DNAH10: variants seen among roughly 807,000 people sequenced by gnomAD.
DNAH10 encodes the protein dynein axonemal heavy chain 10, also known as axonemal beta dynein heavy chain 10.
DNAH10 carries 348 observed loss-of-function variants against 506.6 expected under a neutral mutation model. The observed-to-expected ratio is 0.69, with a 90% confidence interval of 0.63 to 0.75. The LOEUF (loss-of-function observed/expected upper bound fraction) is 0.75. Ranked by LOEUF, DNAH10 falls within the 30% of genes least tolerant of loss-of-function variation. The pLI is 0.00. For synonymous variants in DNAH10, 2,059 were observed against 2,198.6 expected (o/e 0.94, Z 1.78); for missense variants, 5,179 against 5,787.1 (o/e 0.89, Z 3.41).
Position 123,929,317 on chromosome 12 carries a change from G to A in DNAH10, c.12349G>A (p.Ala4117Thr). 2 of 1,605,544 alleles carry A rather than the reference G, an allele frequency of 1.2e-6. No homozygotes were observed. Among genetic ancestry groups the A allele is most frequent in the Admixed American group, 1.7e-5 (1 of 58,744 alleles). Residue 4117 changes from alanine (A) to threonine (T), a missense_variant, in exon 71 of 79, where the codon GCA becomes ACA. By Grantham distance (58) the Ala-to-Thr change is moderately conservative. Around this residue, in one of 3 missense-constraint regions of DNAH10, gnomAD observed 4,844 missense variants for 5,430.5 expected, o/e 0.89. Coordinates refer to ENST00000673944, the MANE Select transcript of DNAH10 (RefSeq NM_001372106.1). The stretch of plus-strand genomic sequence containing the variant: ...CAATGGGCTGAAACTCAACATGAGG[G>A]CAACTTACTTCAAGATCTCTCACGA... ...PPNGLKLNMR[A>T]TYFKISHEML...
chr12:123,898,401 G>C (rs1283405013), intron 55 of DNAH10, among the ~76,000 whole-genome samples: 7 of 152,174 alleles, frequency 4.6e-5, no homozygotes, highest in African/African-American at 1.7e-4. Context: ...ATCTGCTGCA[G>C]CAGCATGCAC....
At position 123,921,454 on chromosome 12, in the gene DNAH10, G is replaced by T. The variant is rs189518431; in HGVS notation, c.11507-2309G>T. On this transcript the variant is annotated intron_variant, in intron 65 of 78. Coordinates refer to ENST00000673944, the MANE Select transcript of DNAH10 (RefSeq NM_001372106.1). ...CTTGGGTGGGGCAGGCAGTTGCCTG[G>T]CAGCATGGAGTGAGAGGGGATCTGG... is the stretch of plus-strand genomic sequence containing the variant. 3.3e-5 allele frequency among the ~76,000 whole-genome samples: 5 copies of T among 152,328 alleles called. No individual in the cohort carries two copies. The East Asian group carries it at 9.6e-4, about 29-fold the overall frequency.
chr12:123,879,727 A>C lies in DNAH10; in HGVS notation c.8560A>C (p.Met2854Leu). The C allele has an allele frequency of 6.2e-7, 1 of 1,614,010 alleles. No homozygotes were observed. Among genetic ancestry groups the C allele is most frequent in the Admixed American group, 1.7e-5 (1 of 60,016 alleles). Residue 2854 changes from methionine to leucine, a missense_variant, in exon 50 of 79, where the codon ATG becomes CTG. Met to Leu is a conservative substitution (Grantham distance 15). Coordinates refer to ENST00000673944, the MANE Select transcript of DNAH10 (RefSeq NM_001372106.1). ...TCCCATATTGTTTGGAGACTTCCAGATGGCTCTGCACGAAGGAGAACCACG... is the reference window on the plus strand; with the variant it reads ...TCCCATATTGTTTGGAGACTTCCAGCTGGCTCTGCACGAAGGAGAACCACG... Reference protein sequence around the residue: ...RDPILFGDFQMALHEGEPRIY... With the variant: ...RDPILFGDFQLALHEGEPRIY...
chr12:123,781,403 G>C, intron 6 of DNAH10, 104 bp downstream of exon 6: 2 of 1,140,860 alleles, frequency 1.8e-6, no homozygotes, highest in Non-Finnish European at 2.5e-6. Flanking sequence ...GAACATTTTT[G>C]TTTGTTTGTT....
chr12:123,890,683 T>G (rs1442120563), intron 52 of DNAH10, among the ~76,000 whole-genome samples: 1 of 152,144 alleles, frequency 6.6e-6, no homozygotes, highest in Non-Finnish European at 1.5e-5. Context: ...GAGCTACCCC[T>G]GCAGTGTAGG....
chr12:123,931,365 C>T lies in DNAH10; in HGVS notation c.12809C>T (p.Ala4270Val), dbSNP rs768208922. The T allele has an allele frequency of 6.2e-7, 1 of 1,613,778 alleles. No individual in the cohort carries two copies. The highest frequency in any genetic ancestry group is 8.5e-7 in the Non-Finnish European group (1 of 1,179,906). ...GAAGCCATCGAGGCCCTCCCGCTTGCCAACACGCCAGAAGTGTTTGGTCTC... is the reference window on the plus strand; with the variant it reads ...GAAGCCATCGAGGCCCTCCCGCTTGTCAACACGCCAGAAGTGTTTGGTCTC... ...FVEAIEALPL[A>V]NTPEVFGLHP... is the part of the protein sequence containing the mutation. The change falls in exon 74 of 79, where the codon GCC becomes GTC. Residue 4270 changes from alanine (A) to valine (V), a missense_variant. Coordinates refer to ENST00000673944, the MANE Select transcript of DNAH10 (RefSeq NM_001372106.1).
chr12:123,934,752 C>A lies in DNAH10; in HGVS notation c.13609C>A (p.Arg4537Ser). 1.9e-6 allele frequency: 3 copies of A among 1,613,780 alleles called. No individual in the cohort carries two copies. Among genetic ancestry groups the A allele is most frequent in the Non-Finnish European group, 2.5e-6 (3 of 1,179,880 alleles). Residue 4537 changes from arginine (R) to serine (S), a missense_variant, in exon 78 of 79, where the codon CGC becomes AGC. Arg to Ser is a moderately radical substitution (Grantham distance 110). This residue lies in a region of DNAH10 where 4,844 missense variants were observed against 5,430.5 expected (regional missense o/e 0.89). Coordinates refer to ENST00000673944, the MANE Select transcript of DNAH10 (RefSeq NM_001372106.1). ...ILKIIPIEAHRLKLQNTFRTP... is the reference protein window; with the variant it reads ...ILKIIPIEAHSLKLQNTFRTP... ...GAAGATCATCCCCATTGAAGCCCAT[C>A]GCCTCAAGCTGCAGGTGAAGGTCCC...
rs1950947553 is a variant in DNAH10 at position 123,846,253 on chromosome 12, G to A, written c.5814+99G>A. ...TGACTGCAGTGATTGAAATAGCAGGGGAGATCATTGCTTTGAAATCTCGAA... is the reference window on the plus strand; with the variant it reads ...TGACTGCAGTGATTGAAATAGCAGGAGAGATCATTGCTTTGAAATCTCGAA... On this transcript the variant is annotated intron_variant, in intron 32 of 78. Coordinates refer to ENST00000673944, the MANE Select transcript of DNAH10 (RefSeq NM_001372106.1). This position sits in a 1 kb window ranked among gnomAD's most constrained non-coding sequence, Gnocchi z 4.5. 2 of 1,362,184 alleles carry A rather than the reference G, an allele frequency of 1.5e-6. No homozygotes were observed. Among genetic ancestry groups the A allele is most frequent in the Non-Finnish European group, 2.0e-6 (2 of 1,018,482 alleles). 84.4% of individuals were successfully genotyped at this position (1,362,184 alleles called of 1,614,324 possible).
At chr12:123,880,881 ATGAG>A (rs1257722674) in intron 50 of DNAH10, among the ~76,000 whole-genome samples, 2 of 136,332 alleles carry the variant, frequency 1.5e-5, no homozygotes, top group Non-Finnish European at 3.0e-5. Context: ...ATTCCCACCT[ATGAG>A]TGAGAACATG....
At chr12:123,805,976 C>T (rs951885673) in intron 18 of DNAH10, among the ~76,000 whole-genome samples, 5 of 152,120 alleles carry the variant, frequency 3.3e-5, no homozygotes, top group Admixed American at 1.3e-4. Flanking sequence ...TGGGGTTTCA[C>T]CGTGTTAGCC....
intron 56 of DNAH10, among the ~76,000 whole-genome samples, chr12:123,899,340 G>T (rs1422040372): frequency 6.6e-6 from 1 of 152,130 alleles, no homozygotes; most frequent in Non-Finnish European, 1.5e-5. Context: ...CTCTGTGCCT[G>T]GCCTCTAAGC....
In DNAH10 at chr12:123,913,395, T is replaced by C. The variant is rs1030235427; in HGVS notation, c.10352+80T>C. ...AGAGTTTCTCGCCATGTTGATTCTT[T>C]ATCTCACGTTGTGTTTTTATGTGAA... On this transcript the variant is annotated intron_variant, in intron 60 of 78. Transcript: ENST00000673944. This position sits in a 1 kb window ranked among gnomAD's most constrained non-coding sequence, Gnocchi z 5.1. 3.6e-6 allele frequency: 5 copies of C among 1,398,850 alleles called. No homozygotes were observed. The African/African-American group carries it at 5.8e-5, about 16-fold the overall frequency. The allele number at this position is 1,398,850 out of a possible 1,614,324, so 86.7% of individuals were successfully genotyped here.
intron 43 of DNAH10, among the ~76,000 whole-genome samples, chr12:123,868,513 G>C (rs1425988053): frequency 6.6e-6 from 1 of 152,042 alleles, no homozygotes; most frequent in African/African-American, 2.4e-5. Context: ...TTCATCTGCT[G>C]TATTCCTGAG....
In DNAH10 at chr12:123,787,753, C is replaced by G. The variant is rs543786627; in HGVS notation, c.1422-51C>G. 17 of 1,577,966 alleles carry G rather than the reference C, an allele frequency of 1.1e-5. No homozygotes were observed. Among genetic ancestry groups the G allele is most frequent in the Non-Finnish European group, 1.4e-5 (16 of 1,161,644 alleles). Reference sequence around the variant, plus strand: ...GGCTCCCCAGCCGGGGAGTGCGGCTCGGACCCGGAGCTCCGCCCTCCTCCC... The same window carrying G: ...GGCTCCCCAGCCGGGGAGTGCGGCTGGGACCCGGAGCTCCGCCCTCCTCCC... On this transcript the variant is annotated intron_variant, in intron 9 of 78. Coordinates refer to ENST00000673944, the MANE Select transcript of DNAH10 (RefSeq NM_001372106.1). This position sits in a 1 kb window ranked among gnomAD's most constrained non-coding sequence, Gnocchi z 4.6.
In DNAH10 at chr12:123,926,871, T is replaced by G; in HGVS notation, c.12105+51T>G. 6 of 1,595,456 alleles carry G rather than the reference T, an allele frequency of 3.8e-6. No individual in the cohort carries two copies. Among genetic ancestry groups the G allele is most frequent in the South Asian group, 3.4e-5 (3 of 89,188 alleles). On this transcript the variant is annotated intron_variant, in intron 69 of 78. Coordinates refer to ENST00000673944, the MANE Select transcript of DNAH10 (RefSeq NM_001372106.1). The surrounding 1 kb of genome is among the most constrained non-coding windows in gnomAD (Gnocchi z 4.1). ...CTCTACGTTTAGGGGAGGTCCCTGG[T>G]GTCTGCTAAGAAGGAGCTAACCTGG...
chr12:123,783,295 G>T (rs761886521), intron 7 of DNAH10, 31 bp downstream of exon 7: 1 of 1,609,932 alleles, frequency 6.2e-7, no homozygotes, highest in Non-Finnish European at 8.5e-7. Context: ...AGAGAGCCCC[G>T]ATCCAGGTCA....
rs1301161833 is a variant in DNAH10, at chr12:123,796,815, A to G, written c.2146A>G (p.Ser716Gly). Residue 716 changes from serine (S) to glycine (G), a missense_variant, in exon 13 of 79, where the codon AGT (serine) becomes GGT (glycine). Ser to Gly is a moderately conservative substitution (Grantham distance 56, BLOSUM62 0). Transcript: ENST00000673944. ...RFQEVQEILDSDRGQEVKQKY... is the reference protein window; with the variant it reads ...RFQEVQEILDGDRGQEVKQKY... ...TCAAGAGGTACAAGAGATACTGGACAGTGATCGAGGACAGGAGGTATGTTG... is the reference window on the plus strand; with the variant it reads ...TCAAGAGGTACAAGAGATACTGGACGGTGATCGAGGACAGGAGGTATGTTG... 1 of 1,610,864 alleles carries G rather than the reference A, an allele frequency of 6.2e-7. No individual in the cohort carries two copies. The highest frequency in any genetic ancestry group is 1.3e-5 in the African/African-American group (1 of 74,828).
chr12:123,767,717 G>T (rs759189243), intron 2 of DNAH10, 28 bp downstream of exon 2: 1 of 1,594,546 alleles, frequency 6.3e-7, no homozygotes, highest in South Asian at 1.1e-5. Flanking sequence ...GTCATGGGAG[G>T]GTGGAACTGA....
In DNAH10 at chr12:123,762,575, TC is replaced by T. The variant is rs1271724802; in HGVS notation, c.214+29del. On this transcript the variant is annotated intron_variant, in intron 1 of 78. Transcript: ENST00000673944. The surrounding 1 kb of genome is among the most constrained non-coding windows in gnomAD (Gnocchi z 5.0). ...GGTGAGCCTCGACGCGCCGCTCCCT[TC>T]CCCGGGCTTCCCTCCTGCCCGTCCC... is the stretch of plus-strand genomic sequence containing the variant. The T allele has an allele frequency of 6.5e-7, 1 of 1,531,540 alleles. No homozygotes were observed. The highest frequency in any genetic ancestry group is 8.8e-7 in the Non-Finnish European group (1 of 1,139,776). The allele number at this position is 1,531,540 out of a possible 1,614,324, so 94.9% of individuals were successfully genotyped here.
Sources: allele counts gnomAD v4.1 joint callset (sites outside exome capture counted in the v4.1 genomes callset), GRCh38; gene constraint gnomAD v4.1.1; regional missense constraint gnomAD v4.1.1; non-coding constraint Gnocchi (gnomAD v3.1); transcripts MANE v1.5; gene names NCBI Gene and HGNC (gene_info 2026-07-23, HGNC 2026-07-21).